ZNF701: variants seen among roughly 807,000 people sequenced by gnomAD.
The protein encoded by ZNF701 is zinc finger protein 701.
ZNF701 carries 6 observed loss-of-function variants against 7.1 expected under a neutral mutation model. That is an observed-to-expected ratio of 0.84 (90% CI 0.46 to 1.66). The LOEUF (loss-of-function observed/expected upper bound fraction) is 1.66. Among genes scored for constraint, ZNF701 ranks in the 40% most tolerant of loss-of-function variants. ZNF701 has a pLI of 0.01. For synonymous variants in ZNF701, 166 were observed against 188.2 expected (o/e 0.88, Z 0.97); for missense variants, 541 against 559.2 (o/e 0.97, Z 0.33).
intron 3 of ZNF701, among the ~76,000 whole-genome samples, chr19:52,576,838 A>T (rs957250195): frequency 6.6e-6 from 1 of 152,182 alleles, no homozygotes; most frequent in African/African-American, 2.4e-5. Flanking sequence ...CTGATATGTT[A>T]TCTCCATGTT....
rs148284874 is a variant in ZNF701, at chr19:52,570,341, C to A, written c.-72+11C>A. 588 of 154,150 alleles carry A rather than the reference C, an allele frequency of 3.8e-3. 1 individual carries two copies. The highest frequency in any genetic ancestry group is 0.01 in the Admixed American group (155 of 15,314). The allele number at this position is 154,150 out of a possible 1,614,324, so 9.5% of individuals were successfully genotyped here. A position where few individuals can be genotyped will look rare whatever the true frequency, so the allele number is the denominator to read the frequency against. ...GGTCGCACCGCGGCGGTGAGTTTTG[C>A]TCTGTGTTGTATTAAGTCTGCACTC... On this transcript the variant is annotated intron_variant, in intron 1 of 3. Coordinates refer to ENST00000391785, the MANE Select transcript of ZNF701 (RefSeq NM_018260.3).
At position 52,586,121 on chromosome 19, in the gene ZNF701, AGCTT is replaced by A. The variant is rs530985690; in HGVS notation, c.*2665_*2668del. 132 of 152,188 alleles carry A rather than the reference AGCTT, an allele frequency of 8.7e-4. 1 individual carries two copies. The highest frequency in any genetic ancestry group is 3.1e-3 in the African/African-American group (129 of 41,460). The allele number at this position is 152,188 out of a possible 1,614,324, so 9.4% of individuals were successfully genotyped here. A position where few individuals can be genotyped will look rare whatever the true frequency, so the allele number is the denominator to read the frequency against. On this transcript the variant is annotated 3_prime_UTR_variant, in exon 4 of 4. Transcript: ENST00000391785. ...CGGTGACCGGATCACAGCTCACTGC[AGCTT>A]CAACCTCCTGGGCTCAAGGGATCCT...
chr19:52,592,000 G>C, downstream of ZNF701: 1 of 585,794 alleles, frequency 1.7e-6, no homozygotes, highest in East Asian at 2.8e-5. Flanking sequence ...TCAGAACACC[G>C]TCTTGGATCA....
chr19:52,597,612 C>T, the ZNF701 span: 3 of 356,946 alleles, frequency 8.4e-6, no homozygotes, highest in Non-Finnish European at 1.6e-5. Flanking sequence ...GAGCCCAAGG[C>T]TGATAGATCA....
rs146276582 is a variant in ZNF701 at position 52,583,879 on chromosome 19, TAATA to T, written c.*426_*429del. 30,589 of 462,564 alleles carry T rather than the reference TAATA, an allele frequency of 0.066. 1,261 individuals carry two copies. Among genetic ancestry groups the T allele is most frequent in the South Asian group, 0.085 (4,434 of 52,180 alleles). 28.7% of individuals were successfully genotyped at this position (462,564 alleles called of 1,614,324 possible). On this transcript the variant is annotated 3_prime_UTR_variant, in exon 4 of 4. Coordinates refer to ENST00000391785, the MANE Select transcript of ZNF701 (RefSeq NM_018260.3). The stretch of plus-strand genomic sequence containing the variant: ...CATAATGAAGGAGGTCTTACAAGTG[TAATA>T]AATGTGGCAAGTTTTTCAGACATCA...
downstream of ZNF701, among the ~76,000 whole-genome samples, chr19:52,588,168 A>C (rs1230965119): frequency 6.6e-6 from 1 of 151,474 alleles, no homozygotes; most frequent in Non-Finnish European, 1.5e-5. Context: ...GTGTTTTGTC[A>C]CAGGAAAGGA....
Position 52,577,867 on chromosome 19 carries a change from T to C in ZNF701, c.142+1846T>C, listed in dbSNP as rs377172472. Reference sequence around the variant, plus strand: ...TGCTTCAATGGTCATGCTCCTTGTCTACTTTCATGCTCCTCCCGTACTCCT... The same window carrying C: ...TGCTTCAATGGTCATGCTCCTTGTCCACTTTCATGCTCCTCCCGTACTCCT... On this transcript the variant is annotated intron_variant, in intron 3 of 3. Coordinates refer to ENST00000391785, the MANE Select transcript of ZNF701 (RefSeq NM_018260.3). 7.8e-4 allele frequency among the ~76,000 whole-genome samples: 118 copies of C among 152,100 alleles called. No homozygotes were observed. In the East Asian group the frequency reaches 0.013, roughly 16 times the overall value.
At position 52,583,325 on chromosome 19, in the gene ZNF701, A is replaced by G. The variant is rs1450914527; in HGVS notation, c.1266A>G (p.Lys422=). 1.2e-6 allele frequency: 2 copies of G among 1,604,732 alleles called. No homozygotes were observed. The highest frequency in any genetic ancestry group is 2.2e-5 in the East Asian group (1 of 44,682). ...CNECGKVFNH[K]SNLACHRRLH... ...AATGTGGCAAGGTTTTTAATCACAA[A>G]TCAAACCTTGCATGTCATCGTAGAC... The change falls in exon 4 of 4, where the codon AAA becomes AAG. Residue 422 remains lysine, a synonymous_variant. Coordinates refer to ENST00000391785, the MANE Select transcript of ZNF701 (RefSeq NM_018260.3).
the ZNF701 span, chr19:52,596,064 A>G: frequency 1.0e-5 from 13 of 1,263,592 alleles, no homozygotes; most frequent in Middle Eastern, 1.9e-4. Flanking sequence ...AATTTCCTCT[A>G]TTCTTCATTA....
rs1403842413 is a variant in ZNF701, at chr19:52,585,029, C to T, written c.*1572C>T. 3.3e-5 allele frequency: 5 copies of T among 152,238 alleles called. No homozygotes were observed. The highest frequency in any genetic ancestry group is 7.3e-5 in the Non-Finnish European group (5 of 68,066). 9.4% of individuals were successfully genotyped at this position (152,238 alleles called of 1,614,324 possible). ...CCGGGGACGTGGGTGTCTCCACAGA[C>T]CTGGAAATTCCGGCCCCTCTTTCTC... On this transcript the variant is annotated 3_prime_UTR_variant, in exon 4 of 4. Transcript: ENST00000391785.
downstream of ZNF701, chr19:52,592,013 T>G (rs1373381028): frequency 3.2e-6 from 2 of 618,506 alleles, no homozygotes; most frequent in Non-Finnish European, 5.8e-6. Context: ...TTGGATCAAA[T>G]CGATACTTAT....
chr19:52,596,733 A>G, the ZNF701 span: 2 of 509,236 alleles, frequency 3.9e-6, no homozygotes, highest in Non-Finnish European at 8.1e-6. Flanking sequence ...TTTGCTCAAA[A>G]TTCAGCCCTT....
chr19:52,599,145 A>G, the ZNF701 span, among the ~76,000 whole-genome samples: 1 of 151,544 alleles, frequency 6.6e-6, no homozygotes, highest in Non-Finnish European at 1.5e-5. Context: ...CTCCTGCCTC[A>G]GCTTCCCGAG....
At chr19:52,578,389 A>G (rs903218560) in intron 3 of ZNF701, among the ~76,000 whole-genome samples, 2 of 152,202 alleles carry the variant, frequency 1.3e-5, no homozygotes, top group Admixed American at 6.5e-5. Context: ...CACCTTATCA[A>G]TCACTTAGAA....
Position 52,582,350 on chromosome 19 carries a change from T to C in ZNF701, c.291T>C (p.Phe97=), listed in dbSNP as rs1314267751. ...FQEIEKDIHD[F]VFQWQENETN... is the part of the protein sequence containing the mutation. Reference sequence around the variant, plus strand: ...AAATTGAGAAAGATATTCATGACTTTGTGTTTCAGTGGCAAGAAAATGAAA... The same window carrying C: ...AAATTGAGAAAGATATTCATGACTTCGTGTTTCAGTGGCAAGAAAATGAAA... The change falls in exon 4 of 4, where the codon TTT becomes TTC. Residue 97 remains phenylalanine, a synonymous_variant. Transcript: ENST00000391785. 1.9e-6 allele frequency: 3 copies of C among 1,613,482 alleles called. No homozygotes were observed. Among genetic ancestry groups the C allele is most frequent in the Non-Finnish European group, 2.5e-6 (3 of 1,179,858 alleles).
downstream of ZNF701, among the ~76,000 whole-genome samples, chr19:52,591,695 A>G (rs2060037528): frequency 6.6e-6 from 1 of 152,140 alleles, no homozygotes; most frequent in Non-Finnish European, 1.5e-5. Flanking sequence ...AGCTGGGATT[A>G]CAGGCAGGTG....
At chr19:52,593,423 T>A in the ZNF701 span, among the ~76,000 whole-genome samples, 7 of 105,946 alleles carry the variant, frequency 6.6e-5, 2 homozygotes, top group Non-Finnish European at 1.4e-4. Context: ...CCCCCCCACC[T>A]CCCTCCCGGA....
At chr19:52,587,180 G>A (rs534591868), downstream of ZNF701, 7 of 152,184 alleles carry the variant, frequency 4.6e-5, no homozygotes, top group East Asian at 5.8e-4. Context: ...TGTAAGTGTT[G>A]TAATTTATAA....
intron 3 of ZNF701, among the ~76,000 whole-genome samples, chr19:52,580,375 C>A (rs1481381905): frequency 6.6e-6 from 1 of 152,084 alleles, no homozygotes; most frequent in African/African-American, 2.4e-5. Flanking sequence ...CAGGTACCCA[C>A]CACCGTGCCC....
Sources: gnomAD v4.1 joint callset for allele counts (sites outside exome capture counted in the v4.1 genomes callset) on GRCh38, gnomAD v4.1.1 for gene constraint, MANE v1.5 for transcripts, NCBI Gene and HGNC (gene_info 2026-07-23, HGNC 2026-07-21) for gene names.